The following SYTL3 variants were observed in gnomAD, a reference collection of about 807,000 sequenced individuals.
SYTL3 encodes synaptotagmin-like protein 3.
Under a neutral mutation model 82.1 loss-of-function variants are expected in SYTL3, and 88 were observed. The observed-to-expected ratio is 1.07, with a 90% CI of 0.90 to 1.28. The LOEUF (loss-of-function observed/expected upper bound fraction) is 1.28, where lower values mean the gene tolerates loss of function less well. Among genes scored for constraint, SYTL3 ranks in the 50% most tolerant of loss-of-function variants. SYTL3 has a pLI of 0.00. For missense variants in SYTL3, 831 were observed against 757.6 expected, an observed-to-expected ratio of 1.10 and a Z score of -1.14; for synonymous variants, 311 against 289.4, an observed-to-expected ratio of 1.07 and a Z score of -0.76.
chr6:158,647,602 T>C (rs566326050), upstream of SYTL3, among the ~76,000 whole-genome samples: 2 of 152,366 alleles, frequency 1.3e-5, no homozygotes, highest in South Asian at 2.1e-4. Flanking sequence ...ACTGATGTAG[T>C]CTGTAGGGCT....
intron 11 of SYTL3, among the ~76,000 whole-genome samples, chr6:158,744,105 C>T (rs997547787): frequency 6.1e-5 from 9 of 147,932 alleles, no homozygotes; most frequent in African/African-American, 2.0e-4. Flanking sequence ...TTAGTAGAGA[C>T]GGGGTTTCAC....
At chr6:158,759,462 G>A (rs1358474366) in intron 14 of SYTL3, among the ~76,000 whole-genome samples, 1 of 152,236 alleles carries the variant, frequency 6.6e-6, no homozygotes, top group Non-Finnish European at 1.5e-5. Flanking sequence ...GTGCTGGCAG[G>A]AGCCATGGTG....
At chr6:158,684,953 G>A (rs1382932915) in intron 6 of SYTL3, among the ~76,000 whole-genome samples, 2 of 151,932 alleles carry the variant, frequency 1.3e-5, no homozygotes, top group Admixed American at 6.6e-5. Flanking sequence ...GCTTCTTACC[G>A]CCACCCTCTC....
intron 10 of SYTL3, among the ~76,000 whole-genome samples, chr6:158,719,049 G>T (rs187152213): frequency 6.6e-6 from 1 of 152,146 alleles, no homozygotes; most frequent in Non-Finnish European, 1.5e-5. Flanking sequence ...AGCCCAGTGC[G>T]CCCCTCTGTA....
chr6:158,743,403 G>A (rs1439589303), intron 11 of SYTL3, among the ~76,000 whole-genome samples: 1 of 152,178 alleles, frequency 6.6e-6, no homozygotes, highest in African/African-American at 2.4e-5. Flanking sequence ...GCAGAAAAGT[G>A]TGTGTAACAC....
intron 8 of SYTL3, 53 bp downstream of exon 8, chr6:158,708,444 GA>G (rs142105819): frequency 0.073 from 113,170 of 1,541,850 alleles, 4,719 homozygotes; most frequent in African/African-American, 0.16. Context: ...GATAGAAGGA[GA>G]GGAAGCAGGG....
chr6:158,720,199 C>T (rs934356062), intron 10 of SYTL3, among the ~76,000 whole-genome samples: 3 of 152,038 alleles, frequency 2.0e-5, no homozygotes, highest in Non-Finnish European at 2.9e-5. Flanking sequence ...TTCAGGCGTT[C>T]GAGAGCAGCC....
intron 5 of SYTL3, among the ~76,000 whole-genome samples, chr6:158,673,100 T>A (rs755785164): frequency 6.6e-6 from 1 of 152,098 alleles, no homozygotes; most frequent in South Asian, 2.1e-4. Context: ...CTGGCTGATA[T>A]AGATATGTTT....
intron 10 of SYTL3, among the ~76,000 whole-genome samples, chr6:158,725,292 G>T (rs906879180): frequency 2.0e-5 from 3 of 152,108 alleles, no homozygotes; most frequent in African/African-American, 7.2e-5. Context: ...TCTGGGCCCT[G>T]TGTGCTCGCA....
chr6:158,746,319 T>C (rs1398053384), intron 12 of SYTL3, among the ~76,000 whole-genome samples: 1 of 151,868 alleles, frequency 6.6e-6, no homozygotes, highest in Non-Finnish European at 1.5e-5. Flanking sequence ...CTTCAATAAA[T>C]GATGTTGAAA....
At chr6:158,674,216 G>A in intron 5 of SYTL3, among the ~76,000 whole-genome samples, 1 of 151,996 alleles carries the variant, frequency 6.6e-6, no homozygotes. Flanking sequence ...CAGCCTCACA[G>A]ATTCAACTTT....
At chr6:158,657,623 T>C (rs1309697666) in intron 2 of SYTL3, among the ~76,000 whole-genome samples, 2 of 152,094 alleles carry the variant, frequency 1.3e-5, no homozygotes, top group African/African-American at 2.4e-5. Context: ...AGTAAAGGGA[T>C]AGTGAATGAT....
At chr6:158,756,524 A>T (rs1444374692) in intron 13 of SYTL3, among the ~76,000 whole-genome samples, 1 of 152,144 alleles carries the variant, frequency 6.6e-6, no homozygotes, top group Non-Finnish European at 1.5e-5. Flanking sequence ...AACCTGGCCA[A>T]CGTGGTGAAA....
chr6:158,733,776 G>A (rs554509209), intron 11 of SYTL3, among the ~76,000 whole-genome samples: 3 of 151,890 alleles, frequency 2.0e-5, no homozygotes, highest in Non-Finnish European at 4.4e-5. Flanking sequence ...TTGTTCAGGT[G>A]TGCTCTCGCC....
Position 158,745,638 on chromosome 6 carries a change from AAAG to A in SYTL3, c.1020_1022del (p.Lys342del), listed in dbSNP as rs772707010. On this transcript the variant is annotated inframe_deletion, in exon 12 of 18. Transcript: ENST00000611299. ...GTAAGAACCTTGCCTATGGAGAAGA[AAAG>A]AAGAAAAAGTGCAATCCGTAAGTTG... 2.9e-5 allele frequency: 46 copies of A among 1,600,070 alleles called. No homozygotes were observed. The highest frequency in any genetic ancestry group is 3.8e-5 in the Non-Finnish European group (45 of 1,175,630).
At chr6:158,731,380 A>C (rs1043828630) in intron 11 of SYTL3, among the ~76,000 whole-genome samples, 5 of 152,090 alleles carry the variant, frequency 3.3e-5, no homozygotes, top group Non-Finnish European at 7.4e-5. Flanking sequence ...CCACGTCCTC[A>C]TCAAAAAATA....
At chr6:158,699,333 A>T (rs900650609) in intron 6 of SYTL3, among the ~76,000 whole-genome samples, 1 of 152,174 alleles carries the variant, frequency 6.6e-6, no homozygotes, top group African/African-American at 2.4e-5. Context: ...GGGCACTGGT[A>T]TGGTTGGGGG....
chr6:158,650,980 T>C (rs1787937302), intron 1 of SYTL3, among the ~76,000 whole-genome samples: 1 of 151,804 alleles, frequency 6.6e-6, no homozygotes, highest in Non-Finnish European at 1.5e-5. Flanking sequence ...TTAGAATTGG[T>C]GTAGAAAAGA....
chr6:158,692,875 T>C (rs1780059481), intron 6 of SYTL3, among the ~76,000 whole-genome samples: 1 of 151,202 alleles, frequency 6.6e-6, no homozygotes, highest in East Asian at 1.9e-4. Flanking sequence ...GGCATGAACC[T>C]GGGAGGTGGA....
Sources: gnomAD v4.1 joint callset for allele counts (sites outside exome capture counted in the v4.1 genomes callset) on GRCh38, gnomAD v4.1.1 for gene constraint, MANE v1.5 for transcripts, NCBI Gene and HGNC (gene_info 2026-07-23, HGNC 2026-07-21) for gene names.